TRPV5: variants seen among roughly 807,000 people sequenced by gnomAD.
TRPV5 encodes the protein calcium transport protein 2.
TRPV5 carries 66 observed loss-of-function variants against 74.1 expected under a neutral mutation model. The ratio of observed to expected loss-of-function variants is 0.89; its 90% CI spans 0.73 to 1.09. The LOEUF is 1.09. Among genes scored for constraint, TRPV5 ranks in the 50% least tolerant of loss-of-function variants. The pLI is 0.00. For synonymous variants in TRPV5, 399 were observed against 360.7 expected, an observed-to-expected ratio of 1.11 and a Z score of -1.20; for missense variants, 936 against 930.4, an observed-to-expected ratio of 1.01 and a Z score of -0.08.
chr7:142,910,813 A>AT (rs1346409825), intron 13 of TRPV5, among the ~76,000 whole-genome samples: 1 of 152,056 alleles, frequency 6.6e-6, no homozygotes, highest in African/African-American at 2.4e-5. Context: ...AACAGCACCC[A>AT]TTTTTCATTT....
rs1795675994 is a variant in TRPV5 at position 142,909,737 on chromosome 7, C to T, written c.1789-141G>A. 3 of 809,692 alleles carry T rather than the reference C, an allele frequency of 3.7e-6. No homozygotes were observed. In the Admixed American group the frequency reaches 7.3e-5, roughly 20 times the overall value. The allele number at this position is 809,692 out of a possible 1,614,324, so 50.2% of individuals were successfully genotyped here. On this transcript the variant is annotated intron_variant, in intron 13 of 14. Transcript: ENST00000265310. ...TCAGTGGTGAGAACAGCCACCTATT[C>T]ACCCCACAGCCTGTGCCAGGCACCA...
chr7:142,914,238 C>T (rs559231910), intron 12 of TRPV5, among the ~76,000 whole-genome samples: 2 of 152,300 alleles, frequency 1.3e-5, no homozygotes, highest in Admixed American at 1.3e-4. Context: ...GTTTCCTCTT[C>T]TGAATTGTAA....
chr7:142,921,780 T>C (rs1266958569), intron 8 of TRPV5, among the ~76,000 whole-genome samples: 1 of 152,200 alleles, frequency 6.6e-6, no homozygotes, highest in East Asian at 1.9e-4. Context: ...TTTAAGACTA[T>C]ATAATTTGAG....
At chr7:142,912,875 T>TCTATCTAC in intron 12 of TRPV5, 125 bp from the exon 13 acceptor site, 1 of 1,108,192 alleles carries the variant, frequency 9.0e-7, no homozygotes, top group Admixed American at 2.5e-5. Flanking sequence ...TATCTATCTA[T>TCTATCTAC]CTATCTAAAT....
chr7:142,925,015 A>T (rs1238079347), intron 8 of TRPV5: 1 of 175,078 alleles, frequency 5.7e-6, no homozygotes, highest in East Asian at 1.4e-4. Context: ...TCAGCCTGAT[A>T]CCCAATCCAG....
chr7:142,920,918 A>G (rs926585546), intron 8 of TRPV5, among the ~76,000 whole-genome samples: 1 of 152,168 alleles, frequency 6.6e-6, no homozygotes, highest in Non-Finnish European at 1.5e-5. Flanking sequence ...TGATGAATGC[A>G]TGTGTTCATG....
intron 5 of TRPV5, 68 bp downstream of exon 5, chr7:142,928,954 G>T: frequency 6.2e-7 from 1 of 1,612,072 alleles, no homozygotes; most frequent in Non-Finnish European, 8.5e-7. Context: ...AAAGGTCCCA[G>T]CTCCACTCCT....
chr7:142,930,277 A>G, intron 2 of TRPV5, 72 bp downstream of exon 2: 1 of 1,610,522 alleles, frequency 6.2e-7, no homozygotes, highest in Non-Finnish European at 8.5e-7. Flanking sequence ...CCTATTTCAC[A>G]AACTCGAAGT....
intron 13 of TRPV5, among the ~76,000 whole-genome samples, chr7:142,909,902 C>T (rs952213941): frequency 6.6e-6 from 1 of 152,194 alleles, no homozygotes; most frequent in Non-Finnish European, 1.5e-5. Context: ...CATATAAAAG[C>T]CACAGACCAA....
At chr7:142,930,652 T>C (rs1796074456) in intron 1 of TRPV5, among the ~76,000 whole-genome samples, 1 of 152,224 alleles carries the variant, frequency 6.6e-6, no homozygotes, top group Non-Finnish European at 1.5e-5. Context: ...ATTCACATCA[T>C]GGTGATTCTC....
At chr7:142,930,954 C>G (rs1289643943) in intron 1 of TRPV5, among the ~76,000 whole-genome samples, 1 of 151,094 alleles carries the variant, frequency 6.6e-6, no homozygotes, top group East Asian at 1.9e-4. Context: ...CTAGATCTTT[C>G]CTAGGCATTT....
chr7:142,925,852 G>C lies in TRPV5; in HGVS notation c.910-111C>G, dbSNP rs1795979601. 3.3e-6 allele frequency: 3 copies of C among 906,954 alleles called. No homozygotes were observed. The East Asian group carries it at 7.9e-5, about 24-fold the overall frequency. The allele number at this position is 906,954 out of a possible 1,614,324, so 56.2% of individuals were successfully genotyped here. ...CAACCATCACTCACTCAGCTCATCAGTCACTTATTTGACGGACAAATAGTA... is the reference window on the plus strand; with the variant it reads ...CAACCATCACTCACTCAGCTCATCACTCACTTATTTGACGGACAAATAGTA... On this transcript the variant is annotated intron_variant, in intron 7 of 14. Transcript: ENST00000265310.
At chr7:142,930,271 T>C in intron 2 of TRPV5, 78 bp downstream of exon 2, 1 of 1,610,778 alleles carries the variant, frequency 6.2e-7, no homozygotes, top group Non-Finnish European at 8.5e-7. Context: ...CAAGGCCCTA[T>C]TTCACAAACT....
intron 1 of TRPV5, 139 bp from the exon 2 acceptor site, chr7:142,930,585 G>A (rs1796072989): frequency 1.4e-6 from 1 of 693,520 alleles, no homozygotes; most frequent in Non-Finnish European, 2.5e-6. Context: ...GTGCCTACTG[G>A]ACTCGAATGA....
intron 8 of TRPV5, among the ~76,000 whole-genome samples, chr7:142,923,417 G>A (rs563993390): frequency 8.1e-4 from 124 of 152,200 alleles, no homozygotes; most frequent in Non-Finnish European, 1.6e-3. Flanking sequence ...AATCCAAATG[G>A]GCTTACTACT....
chr7:142,919,134 C>G (rs531128514), intron 8 of TRPV5, among the ~76,000 whole-genome samples: 1 of 152,206 alleles, frequency 6.6e-6, no homozygotes, highest in Non-Finnish European at 1.5e-5. Context: ...GCCTCCTTTC[C>G]TGCCCCTCCA....
At chr7:142,932,256 C>T (rs969654394) in intron 1 of TRPV5, among the ~76,000 whole-genome samples, 1 of 152,150 alleles carries the variant, frequency 6.6e-6, no homozygotes, top group African/African-American at 2.4e-5. Flanking sequence ...TCCCCACTGC[C>T]CCTCTGCAGA....
rs768988234 is a variant in TRPV5, at chr7:142,928,792, A to T, written c.661T>A (p.Ser221Thr). Residue 221 changes from serine to threonine, a missense_variant, in exon 6 of 15, where the codon TCC becomes ACC. Physicochemically the swap from Ser to Thr is moderately conservative, Grantham distance 58. Coordinates refer to ENST00000265310, the MANE Select transcript of TRPV5 (RefSeq NM_019841.7). ...FACQMYNLLL[S>T]YDGHGDHLQP... ...AGGTGGTCCCCATGTCCATCATAGGACAGCAGCAGGTTGTACATCTGGCAG... is the reference window on the plus strand; with the variant it reads ...AGGTGGTCCCCATGTCCATCATAGGTCAGCAGCAGGTTGTACATCTGGCAG... The T allele has an allele frequency of 6.2e-7, 1 of 1,614,156 alleles. No homozygotes were observed. The highest frequency in any genetic ancestry group is 8.5e-7 in the Non-Finnish European group (1 of 1,180,000).
intron 8 of TRPV5, among the ~76,000 whole-genome samples, chr7:142,917,087 TTTTTG>T (rs987950469): frequency 2.0e-5 from 3 of 151,652 alleles, no homozygotes; most frequent in South Asian, 4.1e-4. Flanking sequence ...TTGTGCGTTT[TTTTTG>T]TTTTGTTTTG....
Sources: gnomAD v4.1 joint callset for allele counts (sites outside exome capture counted in the v4.1 genomes callset) on GRCh38, gnomAD v4.1.1 for gene constraint, MANE v1.5 for transcripts, NCBI Gene and HGNC (gene_info 2026-07-23, HGNC 2026-07-21) for gene names.